The following AP1B1 variants were observed in gnomAD, a reference collection of about 807,000 sequenced individuals.
AP1B1 encodes the protein adaptor related protein complex 1 subunit beta 1.
AP1B1 carries 36 observed loss-of-function variants against 104.3 expected under a neutral mutation model. The ratio of observed to expected loss-of-function variants is 0.35; its 90% CI spans 0.26 to 0.46. The LOEUF (loss-of-function observed/expected upper bound fraction) is 0.46. AP1B1 is among the 20% of genes least tolerant of loss of function. The pLI is 1.00. For synonymous variants in AP1B1, 504 were observed against 517.5 expected, an observed-to-expected ratio of 0.97 and a Z score of 0.35; for missense variants, 901 against 1,247.9, an observed-to-expected ratio of 0.72 and a Z score of 4.19.
At chr22:29,343,450 C>T (rs1313192925) in intron 11 of AP1B1, among the ~76,000 whole-genome samples, 1 of 152,258 alleles carries the variant, frequency 6.6e-6, no homozygotes, top group Non-Finnish European at 1.5e-5. Flanking sequence ...GAACCAGAGT[C>T]TGCAATTTGG....
chr22:29,348,436 A>G (rs780458111), intron 11 of AP1B1, among the ~76,000 whole-genome samples: 1 of 152,226 alleles, frequency 6.6e-6, no homozygotes, highest in Non-Finnish European at 1.5e-5. Context: ...CCAAGCACAG[A>G]AGGCTGTGAT....
At chr22:29,367,991 G>A (rs117488182) in intron 1 of AP1B1, among the ~76,000 whole-genome samples, 6 of 152,226 alleles carry the variant, frequency 3.9e-5, no homozygotes, top group East Asian at 3.9e-4. Flanking sequence ...AGCTCACAGC[G>A]TGAAGTACTA....
chr22:29,378,552 C>CAA (rs145933767), intron 1 of AP1B1, among the ~76,000 whole-genome samples: 78 of 48,466 alleles, frequency 1.6e-3, no homozygotes, highest in Non-Finnish European at 1.8e-3. Flanking sequence ...AACTCCGTAT[C>CAA]AAAAAAAAAA....
chr22:29,367,845 C>T (rs2062168795), intron 1 of AP1B1, among the ~76,000 whole-genome samples: 3 of 152,214 alleles, frequency 2.0e-5, no homozygotes, highest in Non-Finnish European at 4.4e-5. Flanking sequence ...CTTCTCCCCA[C>T]AACTTTTCTA....
At chr22:29,337,055 T>C (rs2061648545) in intron 16 of AP1B1, among the ~76,000 whole-genome samples, 1 of 152,236 alleles carries the variant, frequency 6.6e-6, no homozygotes, top group Admixed American at 6.5e-5. Flanking sequence ...CTGCACATGC[T>C]GTACGTTATG....
intron 11 of AP1B1, among the ~76,000 whole-genome samples, chr22:29,347,201 G>A (rs1038698172): frequency 6.6e-6 from 1 of 152,164 alleles, no homozygotes; most frequent in African/African-American, 2.4e-5. Flanking sequence ...TCCCAGAAGA[G>A]AGCATGCTAC....
chr22:29,329,546 T>C, intron 22 of AP1B1, 166 bp downstream of exon 22: 1 of 1,475,998 alleles, frequency 6.8e-7, no homozygotes, highest in Non-Finnish European at 9.0e-7. Flanking sequence ...TGTGAATGTG[T>C]GGAAGTGGGG....
chr22:29,340,918 C>T, intron 13 of AP1B1, 61 bp from the exon 14 acceptor site: 1 of 1,500,900 alleles, frequency 6.7e-7, no homozygotes, highest in South Asian at 1.3e-5. Flanking sequence ...CAAAGAGACC[C>T]CAGCCTCCAG....
intron 16 of AP1B1, 61 bp downstream of exon 16, chr22:29,338,929 C>T (rs1340291385): frequency 6.2e-7 from 1 of 1,602,582 alleles, no homozygotes; most frequent in African/African-American, 1.3e-5. Context: ...TTAAAGGAGC[C>T]CACATGCCAG....
intron 3 of AP1B1, among the ~76,000 whole-genome samples, chr22:29,361,708 T>A (rs1418613639): frequency 6.6e-6 from 1 of 152,054 alleles, no homozygotes; most frequent in Non-Finnish European, 1.5e-5. Flanking sequence ...CATTTAGTGC[T>A]GGGTGATGGG....
chr22:29,330,808 C>G (rs543460834), intron 19 of AP1B1, 99 bp from the exon 20 acceptor site: 1 of 1,025,652 alleles, frequency 9.7e-7, no homozygotes, highest in Non-Finnish European at 1.4e-6. Context: ...TACTGTGCCA[C>G]GTGAAAGCTG....
chr22:29,377,195 C>CAAAA (rs34466410), intron 1 of AP1B1, among the ~76,000 whole-genome samples: 4 of 64,692 alleles, frequency 6.2e-5, no homozygotes, highest in African/African-American at 1.3e-4. Context: ...GACCCTGTCT[C>CAAAA]AAAAAAAAAA....
At chr22:29,371,796 A>ATTTGGAT (rs2062243543) in intron 1 of AP1B1, among the ~76,000 whole-genome samples, 1 of 152,102 alleles carries the variant, frequency 6.6e-6, no homozygotes, top group South Asian at 2.1e-4. Flanking sequence ...TGGAAGTGTC[A>ATTTGGAT]GGGCAAATTT....
At chr22:29,386,273 A>T (rs1212287667) in intron 1 of AP1B1, among the ~76,000 whole-genome samples, 1 of 152,220 alleles carries the variant, frequency 6.6e-6, no homozygotes, top group Non-Finnish European at 1.5e-5. Flanking sequence ...ACTGCCAGGA[A>T]GCTGCTGAGC....
At position 29,330,359 on chromosome 22, in the gene AP1B1, C is replaced by T. The variant is rs750133791; in HGVS notation, c.2766+19G>A. 1.8e-5 allele frequency: 29 copies of T among 1,612,142 alleles called. No individual in the cohort carries two copies. Among genetic ancestry groups the T allele is most frequent in the Middle Eastern group, 1.7e-4 (1 of 6,060 alleles). On this transcript the variant is annotated intron_variant, in intron 21 of 22. Coordinates refer to ENST00000357586, the MANE Select transcript of AP1B1 (RefSeq NM_001127.4). ...AAGGGGAGGCTCCAAGGCTGCAGGG[C>T]GGGTGCCGGGGCTCTCACCGTGCAG...
Position 29,354,931 on chromosome 22 carries a change from T to C in AP1B1, c.717-60A>G, listed in dbSNP as rs919700124. ...AAGACAAGGGGAAACATTCTGTTTT[T>C]AGTTACCAAAATAGCATGTCCAGGC... On this transcript the variant is annotated intron_variant, in intron 6 of 22. Transcript: ENST00000357586. The C allele has an allele frequency of 1.0e-5, 15 of 1,489,834 alleles. No individual in the cohort carries two copies. The African/African-American group carries it at 1.9e-4, about 19-fold the overall frequency. 92.3% of individuals were successfully genotyped at this position (1,489,834 alleles called of 1,614,324 possible).
chr22:29,366,106 G>A (rs2062131313), intron 2 of AP1B1, among the ~76,000 whole-genome samples: 1 of 152,166 alleles, frequency 6.6e-6, no homozygotes, highest in Admixed American at 6.5e-5. Context: ...TTGGAAGGAA[G>A]GAGGGAGGAA....
intron 4 of AP1B1, 24 bp downstream of exon 4, chr22:29,359,800 C>G: frequency 6.2e-7 from 1 of 1,604,920 alleles, no homozygotes; most frequent in Non-Finnish European, 8.5e-7. Context: ...CCAATGTCCC[C>G]ACGCCCACCA....
At chr22:29,387,948 A>T (rs2148071441) in intron 1 of AP1B1, among the ~76,000 whole-genome samples, 1 of 152,332 alleles carries the variant, frequency 6.6e-6, no homozygotes, top group East Asian at 1.9e-4. Context: ...AACTTGTCTT[A>T]GAGGCTCCAA....
Sources: gnomAD v4.1 joint callset for allele counts (sites outside exome capture counted in the v4.1 genomes callset) on GRCh38, gnomAD v4.1.1 for gene constraint, MANE v1.5 for transcripts, NCBI Gene and HGNC (gene_info 2026-07-23, HGNC 2026-07-21) for gene names.